RP1L1: variants seen among roughly 807,000 people sequenced by gnomAD.
The protein encoded by RP1L1 is RP1 like 1, also known as retinitis pigmentosa 1-like 1 protein.
RP1L1 carries 27 observed loss-of-function variants against 15.7 expected under a neutral mutation model. That is an observed-to-expected ratio of 1.72 (90% CI 1.27 to 2.38). The LOEUF (loss-of-function observed/expected upper bound fraction) is 2.38. Among genes scored for constraint, RP1L1 ranks in the 30% most tolerant of loss-of-function variants. The probability of loss-of-function intolerance (pLI) is 0.00; values close to 1 mark genes in which losing one functional copy is unlikely to be tolerated. For missense variants in RP1L1, 4,798 were observed against 3,075.9 expected, an observed-to-expected ratio of 1.56 and a Z score of -13.24; for synonymous variants, 1,813 against 1,276.7, an observed-to-expected ratio of 1.42 and a Z score of -8.96.
At position 10,611,423 on chromosome 8, in the gene RP1L1, G is replaced by C; in HGVS notation, c.2675C>G (p.Thr892Arg). 6.3e-7 allele frequency: 1 copy of C among 1,583,764 alleles called. No individual in the cohort carries two copies. The highest frequency in any genetic ancestry group is 8.6e-7 in the Non-Finnish European group (1 of 1,167,216). ...RGPGGSPQEG[T>R]RQPGPTPSPG... ...GGACGGCGTGGGGCCTGGCTGGCGT[G>C]TCCCCTCCTGCGGGCTCCCACCTGG... Residue 892 changes from threonine to arginine, a missense_variant, in exon 4 of 4, where the codon ACA becomes AGA. Coordinates refer to ENST00000382483, the MANE Select transcript of RP1L1 (RefSeq NM_178857.6).
Position 10,622,828 on chromosome 8 carries a change from G to C in RP1L1, c.374C>G (p.Thr125Ser), listed in dbSNP as rs2117226226. ...TTCGACATCCCGCAACTGCTGAGCA[G>C]TGGGGTTTCTCTCCTGTGGCCGGCC... ...GPGRPQERNP[T>S]AQQLRDVEGQ... Residue 125 changes from threonine (T) to serine (S), a missense_variant, in exon 2 of 4, where the codon ACT becomes AGT. By Grantham distance (58) the Thr-to-Ser change is moderately conservative. Transcript: ENST00000382483. 3.1e-6 allele frequency: 5 copies of C among 1,613,488 alleles called. No homozygotes were observed. The highest frequency in any genetic ancestry group is 4.2e-6 in the Non-Finnish European group (5 of 1,179,574).
intron 2 of RP1L1, among the ~76,000 whole-genome samples, chr8:10,620,885 G>T (rs1174871840): frequency 6.6e-6 from 1 of 152,188 alleles, no homozygotes; most frequent in Non-Finnish European, 1.5e-5. Context: ...AACCCCAAGG[G>T]CTCAGACCCC....
chr8:10,632,138 G>C (rs1798262390), intron 1 of RP1L1, among the ~76,000 whole-genome samples: 1 of 152,260 alleles, frequency 6.6e-6, no homozygotes, highest in South Asian at 2.1e-4. Context: ...TTCGGGTGAA[G>C]GCAGGAGTGT....
In RP1L1 at chr8:10,611,463, T is replaced by G. The variant is rs1468396153; in HGVS notation, c.2635A>C (p.Ser879Arg). 1 of 1,570,444 alleles carries G rather than the reference T, an allele frequency of 6.4e-7. No homozygotes were observed. Among genetic ancestry groups the G allele is most frequent in the African/African-American group, 1.3e-5 (1 of 74,252 alleles). ...SCGSTGSSHQ[S>R]TARGPGGSPQ... The stretch of plus-strand genomic sequence containing the variant: ...CTCCCACCTGGCCCCCGGGCAGTGC[T>G]TTGGTGGCTGCTGCCGGTGCTCCCA... The change falls in exon 4 of 4, where the codon AGC becomes CGC. Residue 879 changes from serine to arginine, a missense_variant. Ser to Arg is a moderately radical substitution (Grantham distance 110). Coordinates refer to ENST00000382483, the MANE Select transcript of RP1L1 (RefSeq NM_178857.6).
Position 10,607,505 on chromosome 8 carries a change from G to T in RP1L1, c.6593C>A (p.Ala2198Asp). ...TTGGGCCTCCCCTTCTGCCTCTGGG[G>T]CCTCTATACCTTCTGACTCTGGCTG... ...EAQPESEGIE[A>D]PEAEGEAQPE... Residue 2198 changes from alanine to aspartate, a missense_variant, in exon 4 of 4, where the codon GCC (alanine) becomes GAC (aspartate). Ala to Asp is a moderately radical substitution (Grantham distance 126, BLOSUM62 -2). Coordinates refer to ENST00000382483, the MANE Select transcript of RP1L1 (RefSeq NM_178857.6). 5.0e-6 allele frequency: 8 copies of T among 1,607,302 alleles called. No homozygotes were observed. Among genetic ancestry groups the T allele is most frequent in the Non-Finnish European group, 5.1e-6 (6 of 1,175,778 alleles).
At chr8:10,646,344 G>A (rs983047417) in intron 1 of RP1L1, among the ~76,000 whole-genome samples, 10 of 152,234 alleles carry the variant, frequency 6.6e-5, no homozygotes, top group African/African-American at 2.4e-4. Context: ...CAACCCAGAA[G>A]CAGACACCAG....
At position 10,613,127 on chromosome 8, in the gene RP1L1, T is replaced by TC. The variant is rs1246773275; in HGVS notation, c.970dup (p.Glu324GlyfsTer83). 1.2e-6 allele frequency: 2 copies of TC among 1,613,812 alleles called. No individual in the cohort carries two copies. Among genetic ancestry groups the TC allele is most frequent in the African/African-American group, 2.7e-5 (2 of 74,950 alleles). On this transcript the variant is annotated frameshift_variant, in exon 4 of 4. Coordinates refer to ENST00000382483, the MANE Select transcript of RP1L1 (RefSeq NM_178857.6). LOFTEE classifies it low-confidence loss of function (END_TRUNC). ...GACCAGGTGGAAGCGGACTTTCATC[T>TC]CCACGGACAGGCTGCCGTCCTCATT...
intron 2 of RP1L1, among the ~76,000 whole-genome samples, chr8:10,620,858 C>T (rs1052815087): frequency 1.3e-5 from 2 of 152,326 alleles, no homozygotes; most frequent in South Asian, 2.1e-4. Flanking sequence ...CACAAGACCA[C>T]GGCCCATGTA....
At chr8:10,621,111 A>G (rs1455654905) in intron 2 of RP1L1, 1 of 152,278 alleles carries the variant, frequency 6.6e-6, no homozygotes, top group Admixed American at 6.5e-5. Flanking sequence ...ACTTCTTAAC[A>G]TAGGGTACTT....
At chr8:10,636,902 C>T (rs1262372281) in intron 1 of RP1L1, among the ~76,000 whole-genome samples, 3 of 152,226 alleles carry the variant, frequency 2.0e-5, no homozygotes, top group East Asian at 3.9e-4. Context: ...AGGACTGTGG[C>T]CAGTCTGTCA....
chr8:10,608,804 C>T lies in RP1L1; in HGVS notation c.5294G>A (p.Gly1765Glu), dbSNP rs375443366. The T allele has an allele frequency of 1.5e-5, 25 of 1,614,096 alleles. No homozygotes were observed. The African/African-American group carries it at 1.7e-4, about 11-fold the overall frequency. ...DKDPKLGEAE[G>E]DAMAQEREGK... ...TTCTCTCTCCTGAGCCATTGCATCT[C>T]CCTCTGCCTCCCCGAGTTTGGGATC... is the stretch of plus-strand genomic sequence containing the variant. The change falls in exon 4 of 4, where the codon GGA becomes GAA. Residue 1765 changes from glycine (G) to glutamate (E), a missense_variant. Physicochemically the swap from Gly to Glu is moderately conservative, Grantham distance 98. Coordinates refer to ENST00000382483, the MANE Select transcript of RP1L1 (RefSeq NM_178857.6).
chr8:10,653,182 A>G (rs1445089214), intron 1 of RP1L1, among the ~76,000 whole-genome samples: 1 of 152,218 alleles, frequency 6.6e-6, no homozygotes, highest in East Asian at 1.9e-4. Context: ...TTCACAGGAA[A>G]GTAACCAAGA....
chr8:10,613,148 T>A lies in RP1L1; in HGVS notation c.950A>T (p.Glu317Val). The stretch of plus-strand genomic sequence containing the variant: ...CATCTCCACGGACAGGCTGCCGTCC[T>A]CATTCATGCGGACCTTCTTCTTCAT... ...DDMKKKVRMN[E>V]DGSLSVEMKV... Residue 317 changes from glutamate to valine, a missense_variant, in exon 4 of 4, where the codon GAG becomes GTG. Coordinates refer to ENST00000382483, the MANE Select transcript of RP1L1 (RefSeq NM_178857.6). 6.2e-7 allele frequency: 1 copy of A among 1,613,840 alleles called. No homozygotes were observed. The highest frequency in any genetic ancestry group is 8.5e-7 in the Non-Finnish European group (1 of 1,180,000).
chr8:10,642,980 G>A (rs1798428829), intron 1 of RP1L1, among the ~76,000 whole-genome samples: 1 of 152,144 alleles, frequency 6.6e-6, no homozygotes. Context: ...AGCTGTGGAT[G>A]TTTTCCTATG....
rs752561619 is a variant in RP1L1 at position 10,608,170 on chromosome 8, A to G, written c.5928T>C (p.Asp1976=). The part of the protein sequence containing the change: ...AEEEAQPESE[D]VEALEVEVET... ...CCACTTCAACCTCCAGGGCCTCTAC[A>G]TCTTCTGACTCTGGCTGGGCTTCCT... Residue 1976 remains aspartate (D), a synonymous_variant, in exon 4 of 4, where the codon GAT becomes GAC. Coordinates refer to ENST00000382483, the MANE Select transcript of RP1L1 (RefSeq NM_178857.6). 6 of 1,598,098 alleles carry G rather than the reference A, an allele frequency of 3.8e-6. No individual in the cohort carries two copies. The highest frequency in any genetic ancestry group is 3.3e-5 in the South Asian group (3 of 90,464).
chr8:10,620,933 G>C (rs11778788), intron 2 of RP1L1, among the ~76,000 whole-genome samples: 4,187 of 152,314 alleles, frequency 0.027, 66 homozygotes, highest in Middle Eastern at 0.065. Flanking sequence ...GAGTACATAA[G>C]CATAATCAGC....
chr8:10,633,475 G>A (rs571869005), intron 1 of RP1L1, among the ~76,000 whole-genome samples: 4 of 152,234 alleles, frequency 2.6e-5, no homozygotes, highest in East Asian at 3.9e-4. Context: ...ACAAAACCCC[G>A]GGCAAGGACA....
chr8:10,611,500 G>A lies in RP1L1; in HGVS notation c.2598C>T (p.Arg866=). The change falls in exon 4 of 4, where the codon CGC becomes CGT. Residue 866 remains arginine, a synonymous_variant. Transcript: ENST00000382483. ...PPRGRPCPQR[R]SSSCGSTGSS... is the part of the protein sequence containing the mutation. ...TGCCGGTGCTCCCACAGCTGGAAGAGCGCCTCTGGGGGCAGGGCCGCCCCC... is the reference window on the plus strand; with the variant it reads ...TGCCGGTGCTCCCACAGCTGGAAGAACGCCTCTGGGGGCAGGGCCGCCCCC... The A allele has an allele frequency of 6.3e-7, 1 of 1,575,030 alleles. No homozygotes were observed. The highest frequency in any genetic ancestry group is 8.6e-7 in the Non-Finnish European group (1 of 1,162,438).
rs1797828978 is a variant in RP1L1 at position 10,610,621 on chromosome 8, T to C, written c.3477A>G (p.Pro1159=). 4 of 1,613,574 alleles carry C rather than the reference T, an allele frequency of 2.5e-6. No homozygotes were observed. Among genetic ancestry groups the C allele is most frequent in the African/African-American group, 1.3e-5 (1 of 75,040 alleles). The change falls in exon 4 of 4, where the codon CCA becomes CCG. Residue 1159 remains proline, a synonymous_variant. Coordinates refer to ENST00000382483, the MANE Select transcript of RP1L1 (RefSeq NM_178857.6). ...GCTGGTCTTCCCCAACGTCACATCC[T>C]GGCCACAGGTCCTTCGAGATGCTGA... is the stretch of plus-strand genomic sequence containing the variant. ...ELLSISKDLW[P]GCDVGEDQLD... is the part of the protein sequence containing the mutation.
Sources: gnomAD v4.1 joint callset for allele counts (sites outside exome capture counted in the v4.1 genomes callset) on GRCh38, gnomAD v4.1.1 for gene constraint, MANE v1.5 for transcripts, NCBI Gene and HGNC (gene_info 2026-07-23, HGNC 2026-07-21) for gene names.